Variants in OPCML observed in about 807,000 individuals in gnomAD.
The protein encoded by OPCML is opioid-binding protein/cell adhesion molecule.
A neutral mutation model predicts 37.8 loss-of-function variants in OPCML; 13 were observed. The ratio of observed to expected loss-of-function variants is 0.34; its 90% CI spans 0.22 to 0.55. The LOEUF (loss-of-function observed/expected upper bound fraction) is 0.55, where lower values mean the gene tolerates loss of function less well. Among genes scored for constraint, OPCML ranks in the 20% least tolerant of loss-of-function variants. OPCML has a pLI of 0.91. For synonymous variants in OPCML, 176 were observed against 168.8 expected (o/e 1.04, Z -0.33); for missense variants, 341 against 435.6 (o/e 0.78, Z 1.93).
intron 1 of OPCML, among the ~76,000 whole-genome samples, chr11:133,233,694 C>T (rs1244907024): frequency 6.6e-6 from 1 of 152,160 alleles, no homozygotes; most frequent in Non-Finnish European, 1.5e-5. Flanking sequence ...TCAAGTCTAG[C>T]CACTTCATTA....
intron 3 of OPCML, among the ~76,000 whole-genome samples, chr11:132,581,322 C>T (rs2096461574): frequency 6.6e-6 from 1 of 152,176 alleles, no homozygotes; most frequent in African/African-American, 2.4e-5. Context: ...CAACCACATC[C>T]TGTCCCCTGT....
chr11:133,429,204 C>A (rs1381355718), intron 1 of OPCML, among the ~76,000 whole-genome samples: 1 of 152,150 alleles, frequency 6.6e-6, no homozygotes, highest in African/African-American at 2.4e-5. Context: ...TATCTTGGGA[C>A]AGAGCCTTCC....
At chr11:133,074,513 C>T (rs976307666) in intron 1 of OPCML, among the ~76,000 whole-genome samples, 3 of 152,140 alleles carry the variant, frequency 2.0e-5, no homozygotes, top group Admixed American at 2.0e-4. Context: ...AAACTCTTAG[C>T]CCATGGTGGG....
chr11:133,291,452 G>C (rs183850120), intron 1 of OPCML, among the ~76,000 whole-genome samples: 8,327 of 152,260 alleles, frequency 0.055, 262 homozygotes, highest in Non-Finnish European at 0.072. Flanking sequence ...TTGGTGGTCA[G>C]CCTGCTGCTG....
intron 1 of OPCML, among the ~76,000 whole-genome samples, chr11:133,160,569 T>G (rs1451130922): frequency 6.6e-6 from 1 of 152,256 alleles, no homozygotes; most frequent in Non-Finnish European, 1.5e-5. Context: ...CTAGGCTTCC[T>G]GCTACATTGG....
chr11:133,125,716 T>TAC (rs1180235339), intron 1 of OPCML, among the ~76,000 whole-genome samples: 8 of 94,958 alleles, frequency 8.4e-5, no homozygotes, highest in African/African-American at 2.3e-4. Context: ...AGTGTATATA[T>TAC]ATGTATATAG....
intron 1 of OPCML, among the ~76,000 whole-genome samples, chr11:132,981,302 CTGTAGATAAGGCCACG>C (rs1174943266): frequency 2.6e-5 from 4 of 152,166 alleles, no homozygotes; most frequent in Middle Eastern, 3.2e-3. Flanking sequence ...GATGTGGTTT[CTGTAGATAAGGCCACG>C]TGGTGGTTAG....
chr11:132,790,981 A>C (rs919220710), intron 2 of OPCML, among the ~76,000 whole-genome samples: 2 of 152,212 alleles, frequency 1.3e-5, no homozygotes, highest in African/African-American at 4.8e-5. Context: ...CTGTAGCAAC[A>C]GTGGAAATAA....
chr11:133,322,680 A>G (rs1260804677), intron 1 of OPCML, among the ~76,000 whole-genome samples: 2 of 152,182 alleles, frequency 1.3e-5, no homozygotes, highest in Admixed American at 1.3e-4. Flanking sequence ...CAATGACCCA[A>G]TTGTTAAAAC....
At chr11:132,501,307 G>A (rs2096245058) in intron 4 of OPCML, among the ~76,000 whole-genome samples, 1 of 152,178 alleles carries the variant, frequency 6.6e-6, no homozygotes, top group Non-Finnish European at 1.5e-5. Flanking sequence ...ATACCATTCA[G>A]GACGTAGGCA....
chr11:133,433,269 A>T lies in OPCML; in HGVS notation c.61+98995T>A, dbSNP rs867381034. Among the ~76,000 whole-genome samples, 39 of 151,650 alleles carry T rather than the reference A, an allele frequency of 2.6e-4. 1 individual carries two copies. Among genetic ancestry groups the T allele is most frequent in the Admixed American group, 1.3e-3 (20 of 15,244 alleles). On this transcript the variant is annotated intron_variant, in intron 1 of 7. Transcript: ENST00000524381. The stretch of plus-strand genomic sequence containing the variant: ...TCCGTCTCAAAAAAAAAAAAAAAAA[A>T]ATATTACTGATGGATTTTAATGTTC...
chr11:132,732,304 T>C lies in OPCML; in HGVS notation c.147-74985A>G, dbSNP rs1191142867. Among the ~76,000 whole-genome samples, 3 of 152,118 alleles carry C rather than the reference T, an allele frequency of 2.0e-5. No individual in the cohort carries two copies. In the East Asian group the frequency reaches 5.8e-4, roughly 29 times the overall value. On this transcript the variant is annotated intron_variant, in intron 2 of 7. Coordinates refer to ENST00000524381, the MANE Select transcript of OPCML (RefSeq NM_001012393.5). ...ATGACAACTAAGTCATACACCTAAG[T>C]GGGGGATAAATGAAAGGAAAATTCG...
intron 4 of OPCML, among the ~76,000 whole-genome samples, chr11:132,520,830 A>G (rs113869928): frequency 0.065 from 9,907 of 152,160 alleles, 756 homozygotes; most frequent in African/African-American, 0.19. Context: ...TAGTGCTGCA[A>G]TAAACATATG....
In OPCML at chr11:132,417,928, C is replaced by T. The variant is rs2095944087; in HGVS notation, c.*2265G>A. On this transcript the variant is annotated 3_prime_UTR_variant, in exon 8 of 8. Coordinates refer to ENST00000524381, the MANE Select transcript of OPCML (RefSeq NM_001012393.5). ...CCCGAATCTGGCTCCTGGCAGCTCA[C>T]TAGGAAATGCAGATGTCTGTTTACA... 6.6e-6 allele frequency: 1 copy of T among 152,194 alleles called. No homozygotes were observed. Among genetic ancestry groups the T allele is most frequent in the Non-Finnish European group, 1.5e-5 (1 of 68,034 alleles). 9.4% of individuals were successfully genotyped at this position (152,194 alleles called of 1,614,324 possible). A position where few individuals can be genotyped will look rare whatever the true frequency, so the allele number is the denominator to read the frequency against.
At chr11:132,555,565 A>T (rs978215499) in intron 3 of OPCML, among the ~76,000 whole-genome samples, 2 of 152,160 alleles carry the variant, frequency 1.3e-5, no homozygotes, top group African/African-American at 2.4e-5. Context: ...TAGCCAAACC[A>T]TATCAAAGGG....
At chr11:132,896,929 A>G (rs900825953) in intron 2 of OPCML, among the ~76,000 whole-genome samples, 2 of 152,232 alleles carry the variant, frequency 1.3e-5, no homozygotes, top group Non-Finnish European at 2.9e-5. Context: ...TCCTACAACC[A>G]AGAAAGAGAT....
intron 1 of OPCML, among the ~76,000 whole-genome samples, chr11:133,043,663 A>AT (rs1335963661): frequency 2.2e-4 from 33 of 152,224 alleles, no homozygotes; most frequent in Non-Finnish European, 7.4e-5. Flanking sequence ...CTCCTCATGC[A>AT]TTTTTTGTCC....
chr11:133,020,817 A>G (rs1188180505), intron 1 of OPCML, among the ~76,000 whole-genome samples: 1 of 152,224 alleles, frequency 6.6e-6, no homozygotes, highest in African/African-American at 2.4e-5. Flanking sequence ...TTAGTTTGGT[A>G]CACGCCAATT....
intron 1 of OPCML, among the ~76,000 whole-genome samples, chr11:132,963,751 ATAT>A (rs59566577): frequency 4.6e-5 from 7 of 151,338 alleles, no homozygotes; most frequent in African/African-American, 7.3e-5. Flanking sequence ...CCGTATTACG[ATAT>A]TATTATTATT....
Sources: allele counts gnomAD v4.1 joint callset (sites outside exome capture counted in the v4.1 genomes callset), GRCh38; gene constraint gnomAD v4.1.1; transcripts MANE v1.5; gene names NCBI Gene and HGNC (gene_info 2026-07-23, HGNC 2026-07-21).